Variants in DCLK2 observed in about 807,000 individuals in gnomAD.
DCLK2 encodes the protein serine/threonine-protein kinase DCLK2.
Under a neutral mutation model 78.4 loss-of-function variants are expected in DCLK2, and 31 were observed. The observed-to-expected ratio is 0.40, with a 90% confidence interval of 0.30 to 0.53. The LOEUF (loss-of-function observed/expected upper bound fraction) is 0.53, where lower values mean the gene tolerates loss of function less well. Among genes scored for constraint, DCLK2 ranks in the 20% least tolerant of loss-of-function variants. The pLI, the probability that DCLK2 is intolerant of heterozygous loss-of-function variation, is 0.61. For synonymous variants in DCLK2, 407 were observed against 374.9 expected (o/e 1.09, Z -0.99); for missense variants, 872 against 973.7 (o/e 0.90, Z 1.39).
intron 2 of DCLK2, among the ~76,000 whole-genome samples, chr4:150,112,677 G>A (rs1045624067): frequency 2.6e-5 from 4 of 151,612 alleles, no homozygotes; most frequent in Non-Finnish European, 5.9e-5. Flanking sequence ...TGCTTTTTCT[G>A]CATCGATTGA....
At chr4:150,198,931 AG>A (rs1352247528) in intron 4 of DCLK2, 30 of 285,204 alleles carry the variant, frequency 1.1e-4, no homozygotes, top group African/African-American at 7.7e-4. Context: ...CACTTTCTGT[AG>A]GGCAGGTCGT....
At chr4:150,208,404 T>C (rs1740016290) in intron 5 of DCLK2, among the ~76,000 whole-genome samples, 1 of 4,710 alleles carries the variant, frequency 2.1e-4, no homozygotes, top group Non-Finnish European at 9.5e-4. Flanking sequence ...TTTTTTGTTT[T>C]TGTTTTGTTT....
intron 2 of DCLK2, among the ~76,000 whole-genome samples, chr4:150,152,694 A>G (rs1734984640): frequency 6.6e-6 from 1 of 152,308 alleles, no homozygotes; most frequent in African/African-American, 2.4e-5. Context: ...CTTAAATTTT[A>G]TTTTTTGGAA....
In DCLK2 at chr4:150,102,535, A is replaced by G. The variant is rs778290244; in HGVS notation, c.479A>G (p.Asn160Ser). 1 of 1,614,184 alleles carries G rather than the reference A, an allele frequency of 6.2e-7. No homozygotes were observed. The highest frequency in any genetic ancestry group is 1.1e-5 in the South Asian group (1 of 91,084). Residue 160 changes from asparagine to serine, a missense_variant, in exon 2 of 16, where the codon AAT (asparagine) becomes AGT (serine). Around this residue, in one of 3 missense-constraint regions of DCLK2, gnomAD observed 567 missense variants for 593.4 expected, o/e 0.96. Coordinates refer to ENST00000296550, the MANE Select transcript of DCLK2 (RefSeq NM_001040260.4). The part of the protein sequence containing the change: ...EPFRKVDYTK[N>S]INPNWSVNIK... ...TTTCGTAAAGTCGATTACACCAAAAATATTAATCCAAACTGGTCTGTGAAC... is the reference window on the plus strand; with the variant it reads ...TTTCGTAAAGTCGATTACACCAAAAGTATTAATCCAAACTGGTCTGTGAAC...
chr4:150,106,168 G>C (rs573769812), intron 2 of DCLK2, among the ~76,000 whole-genome samples: 1 of 151,392 alleles, frequency 6.6e-6, no homozygotes, highest in South Asian at 2.1e-4. Flanking sequence ...AGCGAACCGG[G>C]TATTCTTAAA....
intron 2 of DCLK2, among the ~76,000 whole-genome samples, chr4:150,144,526 T>C (rs1480846597): frequency 6.6e-6 from 1 of 152,144 alleles, no homozygotes; most frequent in Non-Finnish European, 1.5e-5. Flanking sequence ...TACCTCCAGA[T>C]TGTTCTTTTT....
chr4:150,171,324 C>CA (rs1055134316), intron 2 of DCLK2, among the ~76,000 whole-genome samples: 2 of 151,998 alleles, frequency 1.3e-5, no homozygotes, highest in African/African-American at 4.8e-5. Flanking sequence ...ACTAAAAATA[C>CA]AAAAAAATTA....
intron 13 of DCLK2, 124 bp from the exon 14 acceptor site, chr4:150,248,172 TTTAGGTTTG>T: frequency 1.4e-6 from 1 of 698,390 alleles, no homozygotes; most frequent in Non-Finnish European, 2.5e-6. Flanking sequence ...TATAATCACG[TTTAGGTTTG>T]AATCAGTTAG....
intron 2 of DCLK2, among the ~76,000 whole-genome samples, chr4:150,168,707 C>T (rs1269225756): frequency 6.6e-6 from 1 of 152,190 alleles, no homozygotes; most frequent in East Asian, 1.9e-4. Context: ...GGTTTTAATA[C>T]TCGTTGGGTA....
chr4:150,240,746 T>C (rs62344500), intron 12 of DCLK2, among the ~76,000 whole-genome samples: 106 of 49,342 alleles, frequency 2.1e-3, no homozygotes, highest in Admixed American at 7.2e-3. Flanking sequence ...ACTTAAAATA[T>C]AATAAAAAAA....
chr4:150,226,926 G>A (rs1160255148), intron 8 of DCLK2, among the ~76,000 whole-genome samples: 2 of 152,034 alleles, frequency 1.3e-5, no homozygotes, highest in Non-Finnish European at 2.9e-5. Flanking sequence ...TGGAGTGTTG[G>A]CCACCTCTGC....
chr4:150,145,475 T>C (rs1001577943), intron 2 of DCLK2, among the ~76,000 whole-genome samples: 1 of 152,222 alleles, frequency 6.6e-6, no homozygotes, highest in Non-Finnish European at 1.5e-5. Context: ...ACTTGAACAC[T>C]TTAATACTTT....
chr4:150,167,592 C>T (rs72730393), intron 2 of DCLK2, among the ~76,000 whole-genome samples: 2 of 152,024 alleles, frequency 1.3e-5, no homozygotes, highest in Admixed American at 1.3e-4. Context: ...GGAACTGTTA[C>T]AGTAGGTAGC....
At chr4:150,255,318 G>C (rs1414831061) in intron 15 of DCLK2, among the ~76,000 whole-genome samples, 1 of 152,224 alleles carries the variant, frequency 6.6e-6, no homozygotes, top group Non-Finnish European at 1.5e-5. Context: ...AGGAAATAGA[G>C]AAGGAGAAAG....
Position 150,237,974 on chromosome 4 carries a change from C to G in DCLK2, c.1567-1768C>G, listed in dbSNP as rs893714952. Among the ~76,000 whole-genome samples the G allele has an allele frequency of 3.9e-5, 6 of 152,128 alleles. No individual in the cohort carries two copies. In the South Asian group the frequency reaches 1.2e-3, roughly 32 times the overall value. On this transcript the variant is annotated intron_variant, in intron 10 of 15. Transcript: ENST00000296550. ...TCAGGTTCAGGACTGCATGGTGAAA[C>G]TTGAATTATGCTGTCATACGCACTT...
At chr4:150,200,649 A>T (rs933971154) in intron 4 of DCLK2, among the ~76,000 whole-genome samples, 2 of 152,142 alleles carry the variant, frequency 1.3e-5, no homozygotes, top group African/African-American at 4.8e-5. Context: ...ACTAATTGGA[A>T]CTCAAACTGA....
Position 150,198,105 on chromosome 4 carries a change from T to C in DCLK2, c.961+2T>C, listed in dbSNP as rs1739193650. ...GACGCAGCAAATCACCAGCTTCAGG[T>C]AGTTAATGGAAAAGGAATAGATGGT... On this transcript the variant is annotated splice_donor_variant, in intron 4 of 15. Coordinates refer to ENST00000296550, the MANE Select transcript of DCLK2 (RefSeq NM_001040260.4). LOFTEE classifies it high-confidence loss of function. The C allele has an allele frequency of 5.6e-6, 9 of 1,611,762 alleles. No homozygotes were observed. The highest frequency in any genetic ancestry group is 7.6e-6 in the Non-Finnish European group (9 of 1,178,570).
chr4:150,235,838 G>A (rs572297460), intron 10 of DCLK2, among the ~76,000 whole-genome samples: 1 of 152,174 alleles, frequency 6.6e-6, no homozygotes, highest in Non-Finnish European at 1.5e-5. Flanking sequence ...CATCTGATTT[G>A]CATCCCGCTC....
At chr4:150,238,316 C>T (rs79339605) in intron 10 of DCLK2, among the ~76,000 whole-genome samples, 3,082 of 152,136 alleles carry the variant, frequency 0.02, 108 homozygotes, top group African/African-American at 0.07. Flanking sequence ...GGTAATGTAT[C>T]ATAGTCATTG....
Sources: allele counts gnomAD v4.1 joint callset (sites outside exome capture counted in the v4.1 genomes callset), GRCh38; gene constraint gnomAD v4.1.1; regional missense constraint gnomAD v4.1.1; transcripts MANE v1.5; gene names NCBI Gene and HGNC (gene_info 2026-07-23, HGNC 2026-07-21).